The following WDR3 variants were observed in gnomAD, a reference collection of about 807,000 sequenced individuals.
WDR3 encodes the protein WD repeat domain 3, also known as WD repeat-containing protein 3.
Under a neutral mutation model 123.7 loss-of-function variants are expected in WDR3, and 81 were observed. The ratio of observed to expected loss-of-function variants is 0.65; its 90% confidence interval spans 0.55 to 0.79. The LOEUF (loss-of-function observed/expected upper bound fraction) is 0.79, where lower values mean the gene tolerates loss of function less well. Among genes scored for constraint, WDR3 ranks in the 30% least tolerant of loss-of-function variants. The pLI, the probability that WDR3 is intolerant of heterozygous loss-of-function variation, is 0.00. For missense variants in WDR3, 1,027 were observed against 1,123.2 expected (o/e 0.91, Z 1.22); for synonymous variants, 390 against 388.8 (o/e 1.00, Z -0.04).
Position 117,943,491 on chromosome 1 carries a change from T to G in WDR3, c.1193T>G (p.Leu398Trp). Residue 398 changes from leucine to tryptophan, a missense_variant, in exon 11 of 27, where the codon TTG (leucine) becomes TGG (tryptophan). Transcript: ENST00000349139. Reference sequence around the variant, plus strand: ...GAATTGTATTCACTGAATCCATCCTTGCCTACTCCTCAGCCTGTCAGGACA... The same window carrying G: ...GAATTGTATTCACTGAATCCATCCTGGCCTACTCCTCAGCCTGTCAGGACA... ...LVELYSLNPS[L>W]PTPQPVRTSR... 6.2e-7 allele frequency: 1 copy of G among 1,614,150 alleles called. No homozygotes were observed. The highest frequency in any genetic ancestry group is 8.5e-7 in the Non-Finnish European group (1 of 1,180,018).
At chr1:117,942,190 G>T (rs1651194556) in intron 9 of WDR3, among the ~76,000 whole-genome samples, 1 of 152,162 alleles carries the variant, frequency 6.6e-6, no homozygotes, top group Non-Finnish European at 1.5e-5. Flanking sequence ...AATTTTATGG[G>T]CTATTGCATT....
chr1:117,956,630 TC>T (rs1338916368), intron 24 of WDR3, among the ~76,000 whole-genome samples: 1 of 152,152 alleles, frequency 6.6e-6, no homozygotes, highest in Non-Finnish European at 1.5e-5. Context: ...TTGAGCTAGT[TC>T]TAGAGGGAAC....
At position 117,940,735 on chromosome 1, in the gene WDR3, A is replaced by G. The variant is rs117557715; in HGVS notation, c.676-92A>G. On this transcript the variant is annotated intron_variant, in intron 6 of 26. Coordinates refer to ENST00000349139, the MANE Select transcript of WDR3 (RefSeq NM_006784.3). ...AGAGTAAGACTCTGTCTCCGACAAC[A>G]ACAACAACAACAACAAAACAACAAC... is the stretch of plus-strand genomic sequence containing the variant. 4.2e-3 allele frequency: 4,939 copies of G among 1,178,262 alleles called. 73 individuals are homozygous for G. The highest frequency in any genetic ancestry group is 0.032 in the East Asian group (1,319 of 41,790). The allele number at this position is 1,178,262 out of a possible 1,614,324, so 73.0% of individuals were successfully genotyped here. A position where few individuals can be genotyped will look rare whatever the true frequency, so the allele number is the denominator to read the frequency against.
rs182940483 is a variant in WDR3 at position 117,935,017 on chromosome 1, A to C, written c.381+335A>C. Among the ~76,000 whole-genome samples, 3 of 152,370 alleles carry C rather than the reference A, an allele frequency of 2.0e-5. No individual in the cohort carries two copies. The East Asian group carries it at 5.8e-4, about 29-fold the overall frequency. On this transcript the variant is annotated intron_variant, in intron 3 of 26. Coordinates refer to ENST00000349139, the MANE Select transcript of WDR3 (RefSeq NM_006784.3). ...GAGACAAAATAATTATTTGCCATTGACTTCTGTAAAGTCAGTAGAATTTCC... is the reference window on the plus strand; with the variant it reads ...GAGACAAAATAATTATTTGCCATTGCCTTCTGTAAAGTCAGTAGAATTTCC...
chr1:117,950,526 T>C (rs1448602227), intron 15 of WDR3, among the ~76,000 whole-genome samples: 1 of 152,114 alleles, frequency 6.6e-6, no homozygotes, highest in Non-Finnish European at 1.5e-5. Context: ...AGGTTGGGCC[T>C]GGGAAATTTT....
In WDR3 at chr1:117,941,715, T is replaced by C. The variant is rs182640848; in HGVS notation, c.892-35T>C. 518 of 1,587,336 alleles carry C rather than the reference T, an allele frequency of 3.3e-4. 1 individual carries two copies. The highest frequency in any genetic ancestry group is 1.3e-3 in the Admixed American group (64 of 51,048). On this transcript the variant is annotated intron_variant, in intron 8 of 26. Coordinates refer to ENST00000349139, the MANE Select transcript of WDR3 (RefSeq NM_006784.3). ...AGAATTAGGTAAATTACAAATTACC[T>C]CTCCTTGACTCACATTAACCTTTTG...
In WDR3 at chr1:117,953,508, T is replaced by C; in HGVS notation, c.2235T>C (p.Phe745=). ...VPGETQGDSY[F]TGKKTIETVK... is the part of the protein sequence containing the mutation. Reference sequence around the variant, plus strand: ...GAGAGACTCAAGGTGACAGTTACTTTACTGGAAAGAAAACTATTGAAACAG... The same window carrying C: ...GAGAGACTCAAGGTGACAGTTACTTCACTGGAAAGAAAACTATTGAAACAG... Residue 745 remains phenylalanine (F), a synonymous_variant, in exon 21 of 27, where the codon TTT becomes TTC. Coordinates refer to ENST00000349139, the MANE Select transcript of WDR3 (RefSeq NM_006784.3). 6.2e-7 allele frequency: 1 copy of C among 1,612,856 alleles called. No homozygotes were observed. Among genetic ancestry groups the C allele is most frequent in the Non-Finnish European group, 8.5e-7 (1 of 1,179,132 alleles).
Position 117,952,558 on chromosome 1 carries a change from G to A in WDR3, c.2047G>A (p.Val683Ile). 2 of 1,613,016 alleles carry A rather than the reference G, an allele frequency of 1.2e-6. No homozygotes were observed. Among genetic ancestry groups the A allele is most frequent in the African/African-American group, 1.3e-5 (1 of 74,968 alleles). Reference protein sequence around the residue: ...GHHQEIWCLAVSPSGDYVVSS... With the variant: ...GHHQEIWCLAISPSGDYVVSS... ...TCACCAGGAAATATGGTGTTTGGCT[G>A]TAAGCCCCAGTGGAGACTATGTTGT... The change falls in exon 19 of 27, where the codon GTA (valine) becomes ATA (isoleucine). Residue 683 changes from valine to isoleucine, a missense_variant. Physicochemically the swap from Val to Ile is conservative, Grantham distance 29. Transcript: ENST00000349139.
chr1:117,941,943 T>C lies in WDR3; in HGVS notation c.989+96T>C, dbSNP rs940794715. ...GGCTTCTTTCATATTTACTGTCTTA[T>C]CAATTACCATTAAAAGTTAAAGAAC... is the stretch of plus-strand genomic sequence containing the variant. On this transcript the variant is annotated intron_variant, in intron 9 of 26. Coordinates refer to ENST00000349139, the MANE Select transcript of WDR3 (RefSeq NM_006784.3). 6.9e-6 allele frequency: 10 copies of C among 1,449,488 alleles called. No individual in the cohort carries two copies. In the East Asian group the frequency reaches 1.6e-4, roughly 23 times the overall value. The allele number at this position is 1,449,488 out of a possible 1,614,324, so 89.8% of individuals were successfully genotyped here. A position where few individuals can be genotyped will look rare whatever the true frequency, so the allele number is the denominator to read the frequency against.
chr1:117,952,940 T>C lies in WDR3; in HGVS notation c.2152-6T>C, dbSNP rs745716212. On this transcript the variant is annotated splice_polypyrimidine_tract_variant and splice_region_variant and intron_variant, in intron 19 of 26. Coordinates refer to ENST00000349139, the MANE Select transcript of WDR3 (RefSeq NM_006784.3). ...CTCAAATTAATGTATATCTATCTCA[T>C]GGCAGGAAAGAGAAGCAGAATATGA... 1 of 1,612,982 alleles carries C rather than the reference T, an allele frequency of 6.2e-7. No homozygotes were observed. The highest frequency in any genetic ancestry group is 1.1e-5 in the South Asian group (1 of 91,010).
At position 117,959,672 on chromosome 1, in the gene WDR3, T is replaced by G. The variant is rs988846087; in HGVS notation, c.*225T>G. On this transcript the variant is annotated 3_prime_UTR_variant, in exon 27 of 27. Coordinates refer to ENST00000349139, the MANE Select transcript of WDR3 (RefSeq NM_006784.3). ...AATGCATTATTAGTTTAAAAATCTT[T>G]CTGTGCTCTCAAAGCTTGAGCCTTG... The G allele has an allele frequency of 1.6e-5, 6 of 376,842 alleles. No individual in the cohort carries two copies. The highest frequency in any genetic ancestry group is 2.8e-5 in the Non-Finnish European group (6 of 215,690). 23.3% of individuals were successfully genotyped at this position (376,842 alleles called of 1,614,324 possible). A position where few individuals can be genotyped will look rare whatever the true frequency, so the allele number is the denominator to read the frequency against.
In WDR3 at chr1:117,960,569, CTG is replaced by C. The variant is rs1652938726; in HGVS notation, c.*1125_*1126del. The stretch of plus-strand genomic sequence containing the variant: ...GACTTTTCTCTGCTTTTTGGGAGCA[CTG>C]TGATATGCAGTTTACTGGGGCGATG... On this transcript the variant is annotated 3_prime_UTR_variant, in exon 27 of 27. Coordinates refer to ENST00000349139, the MANE Select transcript of WDR3 (RefSeq NM_006784.3). The C allele has an allele frequency of 6.6e-6, 1 of 152,192 alleles. No individual in the cohort carries two copies. Among genetic ancestry groups the C allele is most frequent in the Non-Finnish European group, 1.5e-5 (1 of 68,056 alleles). The allele number at this position is 152,192 out of a possible 1,614,324, so 9.4% of individuals were successfully genotyped here.
At chr1:117,938,689 C>A in intron 5 of WDR3, 131 bp downstream of exon 5, 1 of 695,922 alleles carries the variant, frequency 1.4e-6, no homozygotes, top group South Asian at 2.2e-5. Context: ...TCTTGAGGGA[C>A]AGTGAGGCTG....
At position 117,964,846 on chromosome 1, in the gene WDR3, T is replaced by G. The variant is rs576347136; in HGVS notation, c.*5399T>G. On this transcript the variant is annotated 3_prime_UTR_variant, in exon 27 of 27. Transcript: ENST00000349139. Reference sequence around the variant, plus strand: ...TCTCCTTCACCTCGGAATATCTGAATCATCAGCTATCTTCAGCTTCTCCCT... The same window carrying G: ...TCTCCTTCACCTCGGAATATCTGAAGCATCAGCTATCTTCAGCTTCTCCCT... 2.0e-5 allele frequency: 3 copies of G among 152,362 alleles called. No homozygotes were observed. In the South Asian group the frequency reaches 6.2e-4, roughly 32 times the overall value. The allele number at this position is 152,362 out of a possible 1,614,324, so 9.4% of individuals were successfully genotyped here.
intron 3 of WDR3, among the ~76,000 whole-genome samples, chr1:117,935,766 GAAAT>G (rs1650921243): frequency 6.6e-6 from 1 of 151,806 alleles, no homozygotes; most frequent in African/African-American, 2.4e-5. Context: ...TATTAGCAAA[GAAAT>G]AAATTAAAAA....
chr1:117,959,311 T>C lies in WDR3; in HGVS notation c.2696T>C (p.Met899Thr). The change falls in exon 27 of 27, where the codon ATG becomes ACG. Residue 899 changes from methionine to threonine, a missense_variant. Physicochemically the swap from Met to Thr is moderately conservative, Grantham distance 81. Coordinates refer to ENST00000349139, the MANE Select transcript of WDR3 (RefSeq NM_006784.3). ...CTCCAGGATGTTATCGGCTTCAATATGGCTGGTCTTGATTATCTCAAGAGG... is the reference window on the plus strand; with the variant it reads ...CTCCAGGATGTTATCGGCTTCAATACGGCTGGTCTTGATTATCTCAAGAGG... Reference protein sequence around the residue: ...SQVRDVIGFNMAGLDYLKREC... With the variant: ...SQVRDVIGFNTAGLDYLKREC... 6.2e-7 allele frequency: 1 copy of C among 1,612,470 alleles called. No homozygotes were observed. The highest frequency in any genetic ancestry group is 8.5e-7 in the Non-Finnish European group (1 of 1,179,550).
chr1:117,945,006 C>T (rs1223659068), intron 11 of WDR3, among the ~76,000 whole-genome samples: 4 of 152,076 alleles, frequency 2.6e-5, no homozygotes, highest in Non-Finnish European at 5.9e-5. Flanking sequence ...TGTTGATTTT[C>T]GTATCCCATA....
chr1:117,955,234 T>A, intron 23 of WDR3, 81 bp from the exon 24 acceptor site: 5 of 1,251,298 alleles, frequency 4.0e-6, no homozygotes, highest in Non-Finnish European at 5.7e-6. Flanking sequence ...GGGGTTCCTG[T>A]TTTATAGGAG....
intron 15 of WDR3, 66 bp from the exon 16 acceptor site, chr1:117,950,768 C>A (rs1046624011): frequency 3.0e-6 from 4 of 1,313,800 alleles, no homozygotes. Context: ...ATATTTTAGA[C>A]CTACATGTAA....
Sources: gnomAD v4.1 joint callset for allele counts (sites outside exome capture counted in the v4.1 genomes callset) on GRCh38, gnomAD v4.1.1 for gene constraint, MANE v1.5 for transcripts, NCBI Gene and HGNC (gene_info 2026-07-23, HGNC 2026-07-21) for gene names.